Variants in DOK6 observed in about 807,000 individuals in gnomAD.
DOK6 encodes the protein downstream of tyrosine kinase 6.
In DOK6, 22 loss-of-function variants were observed where a neutral mutation model predicts 44.0. The observed-to-expected ratio is 0.50, with a 90% CI of 0.36 to 0.71. The LOEUF is 0.71. Among genes scored for constraint, DOK6 ranks in the 30% least tolerant of loss-of-function variants. The pLI is 0.00. For missense variants in DOK6, 340 were observed against 416.4 expected (o/e 0.82, Z 1.60); for synonymous variants, 166 against 145.5 (o/e 1.14, Z -1.01).
intron 1 of DOK6, among the ~76,000 whole-genome samples, chr18:69,547,417 A>G (rs1276575223): frequency 7.9e-5 from 12 of 151,468 alleles, no homozygotes; most frequent in African/African-American, 2.4e-4. Context: ...ACTTTTAAAC[A>G]ACAGGATCTC....
intron 1 of DOK6, among the ~76,000 whole-genome samples, chr18:69,491,731 A>G (rs1468590231): frequency 2.0e-5 from 3 of 152,236 alleles, no homozygotes; most frequent in Non-Finnish European, 4.4e-5. Context: ...CTGTTATTTG[A>G]CACAAGACTA....
intron 1 of DOK6, among the ~76,000 whole-genome samples, chr18:69,408,439 C>CAAAAA (rs35285941): frequency 2.2e-5 from 3 of 138,810 alleles, no homozygotes; most frequent in African/African-American, 7.8e-5. Context: ...CCTCTCCTTT[C>CAAAAA]AAAAAAAAAA....
chr18:69,530,294 A>C (rs374588270), intron 1 of DOK6, among the ~76,000 whole-genome samples: 2 of 152,122 alleles, frequency 1.3e-5, no homozygotes, highest in African/African-American at 4.8e-5. Flanking sequence ...TTTATATTGC[A>C]GGCACTGGGC....
intron 5 of DOK6, among the ~76,000 whole-genome samples, chr18:69,701,056 G>A (rs1204345197): frequency 3.3e-5 from 5 of 152,060 alleles, no homozygotes; most frequent in Admixed American, 2.6e-4. Flanking sequence ...TTTTTTCATT[G>A]ACACACTTTT....
At chr18:69,749,911 T>C (rs970783523) in intron 6 of DOK6, among the ~76,000 whole-genome samples, 5 of 148,182 alleles carry the variant, frequency 3.4e-5, no homozygotes, top group Non-Finnish European at 1.5e-5. Context: ...GCCACTGCAC[T>C]CCTGCCTGGC....
intron 7 of DOK6, among the ~76,000 whole-genome samples, chr18:69,812,926 A>C (rs1008436062): frequency 2.6e-5 from 4 of 152,092 alleles, no homozygotes; most frequent in South Asian, 2.1e-4. Flanking sequence ...GGTCTCTCCT[A>C]GGTGGGGATT....
chr18:69,519,127 A>T (rs1262051693), intron 1 of DOK6, among the ~76,000 whole-genome samples: 1 of 152,030 alleles, frequency 6.6e-6, no homozygotes, highest in Non-Finnish European at 1.5e-5. Flanking sequence ...TGGGAATATT[A>T]CTCATTTTTT....
chr18:69,835,187 G>A (rs955437961), intron 7 of DOK6, among the ~76,000 whole-genome samples: 9 of 152,180 alleles, frequency 5.9e-5, no homozygotes, highest in African/African-American at 2.2e-4. Flanking sequence ...TCTGGGCCGG[G>A]CGCGGTGGCT....
At chr18:69,462,562 G>A (rs1798763585) in intron 1 of DOK6, among the ~76,000 whole-genome samples, 1 of 152,090 alleles carries the variant, frequency 6.6e-6, no homozygotes, top group Non-Finnish European at 1.5e-5. Context: ...TATTTATTCA[G>A]CACATTGTTG....
chr18:69,524,107 A>T (rs1981763579), intron 1 of DOK6, among the ~76,000 whole-genome samples: 1 of 151,894 alleles, frequency 6.6e-6, no homozygotes, highest in Non-Finnish European at 1.5e-5. Context: ...TTATTCAATG[A>T]CTTTTGTATT....
At chr18:69,529,140 TTTAG>T (rs1365582174) in intron 1 of DOK6, among the ~76,000 whole-genome samples, 4 of 152,212 alleles carry the variant, frequency 2.6e-5, no homozygotes, top group African/African-American at 9.6e-5. Context: ...AAGGAAATTA[TTTAG>T]TTAATTAGGT....
intron 7 of DOK6, among the ~76,000 whole-genome samples, chr18:69,765,370 T>G (rs147016746): frequency 3.1e-4 from 47 of 152,344 alleles, no homozygotes; most frequent in Non-Finnish European, 2.2e-4. Context: ...AAACATTTAT[T>G]GTATGCCCAT....
At chr18:69,405,381 A>T (rs908423318) in intron 1 of DOK6, among the ~76,000 whole-genome samples, 35 of 152,224 alleles carry the variant, frequency 2.3e-4, no homozygotes, top group African/African-American at 8.4e-4. Flanking sequence ...GCATTTTGGG[A>T]GGCTGAGGCA....
At position 69,419,136 on chromosome 18, in the gene DOK6, G is replaced by A. The variant is rs537110288; in HGVS notation, c.66+17826G>A. Among the ~76,000 whole-genome samples the A allele has an allele frequency of 5.3e-5, 8 of 152,204 alleles. No individual in the cohort carries two copies. In the South Asian group the frequency reaches 1.5e-3, roughly 28 times the overall value. On this transcript the variant is annotated intron_variant, in intron 1 of 7. Coordinates refer to ENST00000382713, the MANE Select transcript of DOK6 (RefSeq NM_152721.6). Reference sequence around the variant, plus strand: ...AGTGCAAAACTTCTGTGTCTTTGATGTTGAGCTCTAGAGCCATCTTGACTA... The same window carrying A: ...AGTGCAAAACTTCTGTGTCTTTGATATTGAGCTCTAGAGCCATCTTGACTA...
chr18:69,763,676 C>T (rs916712875), intron 7 of DOK6, among the ~76,000 whole-genome samples: 3 of 152,162 alleles, frequency 2.0e-5, no homozygotes, highest in African/African-American at 4.8e-5. Flanking sequence ...AATCAGATTA[C>T]TGAGTTTTTC....
intron 1 of DOK6, among the ~76,000 whole-genome samples, chr18:69,550,777 C>CTTTTTTTT (rs10538639): frequency 3.3e-5 from 4 of 121,436 alleles, no homozygotes; most frequent in African/African-American, 6.1e-5. Context: ...TTGTTTCTTT[C>CTTTTTTTT]TTTTTTTTTT....
intron 4 of DOK6, among the ~76,000 whole-genome samples, chr18:69,680,263 C>T (rs1986014803): frequency 6.6e-6 from 1 of 152,158 alleles, no homozygotes; most frequent in South Asian, 2.1e-4. Context: ...CTCACTAAGA[C>T]TCTTCAATGT....
chr18:69,726,327 T>C (rs1978307108), intron 5 of DOK6, among the ~76,000 whole-genome samples: 1 of 152,198 alleles, frequency 6.6e-6, no homozygotes. Context: ...ATTTGACTAC[T>C]GACTTTTCCC....
At chr18:69,643,922 T>G (rs1985006377) in intron 3 of DOK6, 1 of 152,238 alleles carries the variant, frequency 6.6e-6, no homozygotes, top group African/African-American at 2.4e-5. Context: ...GTCACCATTG[T>G]ATTATTTTTA....
Sources: allele counts gnomAD v4.1 joint callset (sites outside exome capture counted in the v4.1 genomes callset), GRCh38; gene constraint gnomAD v4.1.1; transcripts MANE v1.5; gene names NCBI Gene and HGNC (gene_info 2026-07-23, HGNC 2026-07-21).